The following GALNTL6 variants were observed in gnomAD, a reference collection of about 807,000 sequenced individuals.
GALNTL6 encodes polypeptide N-acetylgalactosaminyltransferase-like 6.
In GALNTL6, 46 loss-of-function variants were observed where a neutral mutation model predicts 73.7. The observed-to-expected ratio is 0.62, with a 90% confidence interval of 0.49 to 0.80. The LOEUF (loss-of-function observed/expected upper bound fraction) is 0.80, where lower values mean the gene tolerates loss of function less well. GALNTL6 is among the 30% of genes least tolerant of loss of function. GALNTL6 has a pLI of 0.00. For missense variants in GALNTL6, 604 were observed against 755.0 expected, an observed-to-expected ratio of 0.80 and a Z score of 2.34; for synonymous variants, 259 against 263.7, an observed-to-expected ratio of 0.98 and a Z score of 0.17.
At chr4:172,791,635 A>G (rs186717730) in intron 5 of GALNTL6, among the ~76,000 whole-genome samples, 1 of 152,200 alleles carries the variant, frequency 6.6e-6, no homozygotes, top group East Asian at 1.9e-4. Context: ...GAAGTGGGGA[A>G]GAAAGGGTCT....
chr4:172,156,736 T>C (rs1424892305), intron 2 of GALNTL6, among the ~76,000 whole-genome samples: 1 of 151,484 alleles, frequency 6.6e-6, no homozygotes, highest in East Asian at 1.9e-4. Flanking sequence ...TCATGACTGA[T>C]ACACATAAAA....
chr4:172,513,408 C>A (rs1170614078), intron 5 of GALNTL6, among the ~76,000 whole-genome samples: 1 of 152,138 alleles, frequency 6.6e-6, no homozygotes, highest in African/African-American at 2.4e-5. Flanking sequence ...CTTCTGAATT[C>A]TTTTTCTGGC....
intron 5 of GALNTL6, among the ~76,000 whole-genome samples, chr4:172,434,772 CTCATATGTGATAAGTTGTA>C (rs527641882): frequency 3.9e-4 from 59 of 152,074 alleles, no homozygotes; most frequent in Non-Finnish European, 7.9e-4. Flanking sequence ...GAGAACCAAA[CTCATATGTGATAAGTTGTA>C]TCAACTGTTT....
At chr4:172,693,028 T>C (rs960537501) in intron 5 of GALNTL6, among the ~76,000 whole-genome samples, 1 of 152,194 alleles carries the variant, frequency 6.6e-6, no homozygotes, top group East Asian at 1.9e-4. Context: ...TTACATATAA[T>C]GTTACGTAAG....
intron 5 of GALNTL6, among the ~76,000 whole-genome samples, chr4:172,708,958 T>G (rs1167791608): frequency 2.0e-5 from 3 of 152,222 alleles, no homozygotes; most frequent in African/African-American, 7.2e-5. Context: ...TTTATCTTTT[T>G]CTGGAGAAAA....
chr4:171,955,802 A>AT (rs760864405), intron 2 of GALNTL6, among the ~76,000 whole-genome samples: 6 of 152,090 alleles, frequency 3.9e-5, no homozygotes, highest in Non-Finnish European at 8.8e-5. Flanking sequence ...AGCATGTTAC[A>AT]TATATATAAC....
rs182902765 is a variant in GALNTL6 at position 171,908,795 on chromosome 4, C to T, written c.138+94077C>T. Among the ~76,000 whole-genome samples the T allele has an allele frequency of 7.7e-3, 1,160 of 150,986 alleles. 29 individuals are homozygous for T. The highest frequency in any genetic ancestry group is 0.027 in the African/African-American group (1,081 of 40,512). On this transcript the variant is annotated intron_variant, in intron 2 of 12. Coordinates refer to ENST00000506823, the MANE Select transcript of GALNTL6 (RefSeq NM_001034845.3). ...TTAGGAAAATGTGGCACATATACAC[C>T]ATGGAATACTATGCAGCCATAAAAA...
chr4:172,601,124 CTAAG>C (rs1396512630), intron 5 of GALNTL6, among the ~76,000 whole-genome samples: 4 of 151,954 alleles, frequency 2.6e-5, no homozygotes, highest in Non-Finnish European at 5.9e-5. Flanking sequence ...TTTTTAAAAA[CTAAG>C]TGAGAAGTAT....
intron 7 of GALNTL6, among the ~76,000 whole-genome samples, chr4:172,862,204 G>A (rs1230824428): frequency 6.6e-6 from 1 of 152,170 alleles, no homozygotes; most frequent in Non-Finnish European, 1.5e-5. Context: ...GGACAATAAA[G>A]TCCAGGTTGA....
intron 10 of GALNTL6, among the ~76,000 whole-genome samples, chr4:172,969,461 G>C (rs773232094): frequency 1.1e-4 from 16 of 152,080 alleles, no homozygotes; most frequent in Admixed American, 3.3e-4. Flanking sequence ...TAAAAGATTT[G>C]AATCTATGTA....
chr4:172,901,166 C>T (rs1746606885), intron 8 of GALNTL6, among the ~76,000 whole-genome samples: 3 of 152,102 alleles, frequency 2.0e-5, no homozygotes, highest in Admixed American at 2.0e-4. Context: ...TTAATGGGGT[C>T]CCATTTCAGA....
chr4:172,174,248 T>C (rs1734921898), intron 2 of GALNTL6, among the ~76,000 whole-genome samples: 2 of 152,192 alleles, frequency 1.3e-5, no homozygotes, highest in South Asian at 4.1e-4. Context: ...GAAGGTACCA[T>C]GCTATGAAGA....
intron 5 of GALNTL6, among the ~76,000 whole-genome samples, chr4:172,596,664 A>G (rs1737867442): frequency 6.6e-6 from 1 of 152,172 alleles, no homozygotes; most frequent in South Asian, 2.1e-4. Flanking sequence ...TTTCTCTTTA[A>G]TTATACTAAA....
intron 5 of GALNTL6, among the ~76,000 whole-genome samples, chr4:172,786,494 T>G (rs1739660610): frequency 6.6e-6 from 1 of 152,182 alleles, no homozygotes; most frequent in East Asian, 1.9e-4. Context: ...TTAATATAAG[T>G]GTTTGGCAAG....
chr4:172,536,132 T>C (rs2110860030), intron 5 of GALNTL6, among the ~76,000 whole-genome samples: 1 of 152,324 alleles, frequency 6.6e-6, no homozygotes, highest in South Asian at 2.1e-4. Flanking sequence ...TTGTTCCTTT[T>C]CACCTTCTCC....
At chr4:172,480,784 C>T (rs1421866437) in intron 5 of GALNTL6, among the ~76,000 whole-genome samples, 1 of 152,156 alleles carries the variant, frequency 6.6e-6, no homozygotes. Flanking sequence ...GACTCTATCA[C>T]ATGTTCTGGG....
At chr4:172,573,794 G>A (rs935136653) in intron 5 of GALNTL6, among the ~76,000 whole-genome samples, 2 of 152,120 alleles carry the variant, frequency 1.3e-5, no homozygotes, top group Admixed American at 1.3e-4. Context: ...CTTTTATTCA[G>A]ATGTTTTACT....
rs551110725 is a variant in GALNTL6, at chr4:172,371,420, G to T, written c.553+22731G>T. 3.0e-4 allele frequency among the ~76,000 whole-genome samples: 46 copies of T among 152,242 alleles called. 1 individual carries two copies. The highest frequency in any genetic ancestry group is 5.9e-4 in the Non-Finnish European group (40 of 68,048). On this transcript the variant is annotated intron_variant, in intron 5 of 12. Coordinates refer to ENST00000506823, the MANE Select transcript of GALNTL6 (RefSeq NM_001034845.3). Reference sequence around the variant, plus strand: ...ACACTGACAACAAGGTGGTATTGTAGTGTTACAGGGTCATGGAGAAGACCG... The same window carrying T: ...ACACTGACAACAAGGTGGTATTGTATTGTTACAGGGTCATGGAGAAGACCG...
At chr4:172,416,623 A>G (rs1730846561) in intron 5 of GALNTL6, among the ~76,000 whole-genome samples, 1 of 152,176 alleles carries the variant, frequency 6.6e-6, no homozygotes, top group Non-Finnish European at 1.5e-5. Flanking sequence ...TTTTATTGAT[A>G]TAAATAAAGA....
Sources: gnomAD v4.1 joint callset for allele counts (sites outside exome capture counted in the v4.1 genomes callset) on GRCh38, gnomAD v4.1.1 for gene constraint, MANE v1.5 for transcripts, NCBI Gene and HGNC (gene_info 2026-07-23, HGNC 2026-07-21) for gene names.